Variants in RAD51AP2 observed in about 807,000 individuals in gnomAD.
RAD51AP2 encodes the protein RAD51 associated protein 2, also known as RAD51-associated protein 2.
In RAD51AP2, 67 loss-of-function variants were observed where a neutral mutation model predicts 85.5. The observed-to-expected ratio is 0.78, with a 90% CI of 0.64 to 0.96. The LOEUF is 0.96. Among genes scored for constraint, RAD51AP2 ranks in the 40% least tolerant of loss-of-function variants. The probability of loss-of-function intolerance (pLI) is 0.00; values close to 1 mark genes in which losing one functional copy is unlikely to be tolerated. For synonymous variants in RAD51AP2, 474 were observed against 446.5 expected (o/e 1.06, Z -0.78); for missense variants, 1,307 against 1,332.4 (o/e 0.98, Z 0.30).
chr2:17,520,026 G>C (rs1662822616), upstream of RAD51AP2, among the ~76,000 whole-genome samples: 1 of 152,082 alleles, frequency 6.6e-6, no homozygotes, highest in East Asian at 1.9e-4. Context: ...GTTTGCCCAA[G>C]AGCACATTAT....
At chr2:17,536,467 G>C in the RAD51AP2 span, among the ~76,000 whole-genome samples, 3 of 152,200 alleles carry the variant, frequency 2.0e-5, no homozygotes, top group Non-Finnish European at 2.9e-5. Context: ...GAATCTATAT[G>C]TCAGGCCAAA....
rs774876235 is a variant in RAD51AP2, at chr2:17,515,601, T to C, written c.2815A>G (p.Asn939Asp). 9 of 1,610,088 alleles carry C rather than the reference T, an allele frequency of 5.6e-6. No homozygotes were observed. In the Admixed American group the frequency reaches 1.2e-4, roughly 21 times the overall value. ...HQFETGLSEG[N>D]DECFQDLAAK... The stretch of plus-strand genomic sequence containing the variant: ...GCTAAGTCCTGAAAACATTCATCAT[T>C]CCCTTCACTCAGACCAGTTTCAAAT... The change falls in exon 1 of 3, where the codon AAT becomes GAT. Residue 939 changes from asparagine to aspartate, a missense_variant. Physicochemically the swap from Asn to Asp is conservative, Grantham distance 23. This residue lies in a region of RAD51AP2 where 668 missense variants were observed against 671.0 expected (regional missense o/e 1.00). Transcript: ENST00000399080.
At chr2:17,511,989 T>C (rs746488252) in intron 2 of RAD51AP2, among the ~76,000 whole-genome samples, 7 of 147,490 alleles carry the variant, frequency 4.7e-5, no homozygotes, top group Non-Finnish European at 7.4e-5. Flanking sequence ...AAGACAACAT[T>C]GTTGGATCAC....
At chr2:17,530,361 G>A in the RAD51AP2 span, among the ~76,000 whole-genome samples, 3 of 152,030 alleles carry the variant, frequency 2.0e-5, no homozygotes, top group Non-Finnish European at 4.4e-5. Context: ...GATCCTACAA[G>A]TTATTTTGGC....
Position 17,518,010 on chromosome 2 carries a change from C to T in RAD51AP2, c.406G>A (p.Gly136Ser), listed in dbSNP as rs1381820364. The T allele has an allele frequency of 6.2e-7, 1 of 1,614,168 alleles. No homozygotes were observed. The highest frequency in any genetic ancestry group is 1.3e-5 in the African/African-American group (1 of 75,028). Residue 136 changes from glycine (G) to serine (S), a missense_variant, in exon 1 of 3, where the codon GGC becomes AGC. Coordinates refer to ENST00000399080, the MANE Select transcript of RAD51AP2 (RefSeq NM_001099218.3). ...CTGAAAGCCTCTCTGTCATGCAGGC[C>T]TGCCTCAGACCTTCCTGAAGCCCTC... ...DLRASGRSEA[G>S]LHDREAFSVH...
the RAD51AP2 span, among the ~76,000 whole-genome samples, chr2:17,523,805 G>A: frequency 1.3e-5 from 2 of 151,814 alleles, no homozygotes; most frequent in African/African-American, 4.8e-5. Context: ...CTGTTCACAG[G>A]AAAACAATGG....
At chr2:17,520,808 T>C (rs966066493), upstream of RAD51AP2, among the ~76,000 whole-genome samples, 11 of 151,866 alleles carry the variant, frequency 7.2e-5, no homozygotes, top group African/African-American at 2.7e-4. Context: ...AGAATGTTTA[T>C]TTTCTTGCTC....
rs766588049 is a variant in RAD51AP2 at position 17,516,196 on chromosome 2, T to C, written c.2220A>G (p.Gln740=). Reference sequence around the variant, plus strand: ...TGTATCCTCGGTTGTTCTGTATAAATTGAGGACAAGAATTACCATGTGCTT... The same window carrying C: ...TGTATCCTCGGTTGTTCTGTATAAACTGAGGACAAGAATTACCATGTGCTT... ...TVKAHGNSCP[Q]FIQNNRGYIN... is the part of the protein sequence containing the mutation. Residue 740 remains glutamine, a synonymous_variant, in exon 1 of 3, where the codon CAA becomes CAG. Coordinates refer to ENST00000399080, the MANE Select transcript of RAD51AP2 (RefSeq NM_001099218.3). 1.9e-5 allele frequency: 31 copies of C among 1,613,274 alleles called. No homozygotes were observed. Among genetic ancestry groups the C allele is most frequent in the South Asian group, 1.1e-5 (1 of 91,062 alleles).
chr2:17,517,413 T>G lies in RAD51AP2; in HGVS notation c.1003A>C (p.Ser335Arg). 1 of 1,613,726 alleles carries G rather than the reference T, an allele frequency of 6.2e-7. No homozygotes were observed. Reference sequence around the variant, plus strand: ...TTTCTCTTACAAGTATTTTGGCTACTGAGTGATGGGTAGTCATTTTCATAA... The same window carrying G: ...TTTCTCTTACAAGTATTTTGGCTACGGAGTGATGGGTAGTCATTTTCATAA... ...KCYENDYPSL[S>R]SQNTCKRKDL... The change falls in exon 1 of 3, where the codon AGT (serine) becomes CGT (arginine). Residue 335 changes from serine (S) to arginine (R), a missense_variant. By Grantham distance (110) the Ser-to-Arg change is moderately radical. Coordinates refer to ENST00000399080, the MANE Select transcript of RAD51AP2 (RefSeq NM_001099218.3).
At chr2:17,536,634 G>T in the RAD51AP2 span, among the ~76,000 whole-genome samples, 1 of 152,180 alleles carries the variant, frequency 6.6e-6, no homozygotes, top group Non-Finnish European at 1.5e-5. Flanking sequence ...TTTTATTGTG[G>T]ATTGTTCAAA....
Position 17,510,843 on chromosome 2 carries a change from C to T in RAD51AP2, c.3441G>A (p.Leu1147=), listed in dbSNP as rs769029624. The T allele has an allele frequency of 5.6e-6, 9 of 1,598,074 alleles. No homozygotes were observed. In the South Asian group the frequency reaches 9.1e-5, roughly 16 times the overall value. The part of the protein sequence containing the change: ...KARIKQLHPY[L]KQMCYGNLKE... ...TTAAGTTTCCGTAACACATTTGTTT[C>T]AGATAAGGATGAAGTTGTTTAATCC... The change falls in exon 3 of 3, where the codon CTG becomes CTA. Residue 1147 remains leucine (L), a synonymous_variant. Coordinates refer to ENST00000399080, the MANE Select transcript of RAD51AP2 (RefSeq NM_001099218.3).
rs370702992 is a variant in RAD51AP2 at position 17,517,314 on chromosome 2, C to A, written c.1102G>T (p.Ala368Ser). The A allele has an allele frequency of 3.1e-6, 5 of 1,613,938 alleles. No homozygotes were observed. The highest frequency in any genetic ancestry group is 2.2e-5 in the East Asian group (1 of 44,860). The change falls in exon 1 of 3, where the codon GCT becomes TCT. Residue 368 changes from alanine to serine, a missense_variant. Coordinates refer to ENST00000399080, the MANE Select transcript of RAD51AP2 (RefSeq NM_001099218.3). ...TCCCAATTTGCATTTTCTAGTATAG[C>A]GAAATTCTTTCTAGAGTCTCTTACA... is the stretch of plus-strand genomic sequence containing the variant. ...CNVRDSRKNF[A>S]ILENANWEEA...
intron 2 of RAD51AP2, among the ~76,000 whole-genome samples, chr2:17,513,645 G>A (rs906484245): frequency 6.6e-6 from 1 of 152,108 alleles, no homozygotes; most frequent in Non-Finnish European, 1.5e-5. Context: ...CCACATAAAA[G>A]CTTCATAACA....
the RAD51AP2 span, among the ~76,000 whole-genome samples, chr2:17,531,670 T>A: frequency 6.6e-6 from 1 of 152,242 alleles, no homozygotes; most frequent in Admixed American, 6.5e-5. Flanking sequence ...CCAGCAGTGG[T>A]ACTGTGATCA....
At chr2:17,520,047 T>G (rs1662822901), upstream of RAD51AP2, among the ~76,000 whole-genome samples, 1 of 152,022 alleles carries the variant, frequency 6.6e-6, no homozygotes, top group African/African-American at 2.4e-5. Context: ...TTTTTATATC[T>G]CCATCACATC....
Position 17,510,820 on chromosome 2 carries a change from A to C in RAD51AP2, c.3464T>G (p.Leu1155Ter). Residue 1155 changes from leucine (L) to a stop codon, truncating the protein, a stop_gained, in exon 3 of 3, where the codon TTA becomes TGA. Transcript: ENST00000399080. LOFTEE classifies it high-confidence loss of function. ...PYLKQMCYGN[L>*]KENF ...ATATGAAAGTCAAAAATTTTCTTTT[A>C]AGTTTCCGTAACACATTTGTTTCAG... The C allele has an allele frequency of 6.4e-7, 1 of 1,572,286 alleles. No homozygotes were observed. Among genetic ancestry groups the C allele is most frequent in the Non-Finnish European group, 8.6e-7 (1 of 1,159,238 alleles).
At chr2:17,533,234 T>A in the RAD51AP2 span, among the ~76,000 whole-genome samples, 1 of 152,254 alleles carries the variant, frequency 6.6e-6, no homozygotes, top group African/African-American at 2.4e-5. Context: ...AATTTCTTGA[T>A]GTCTGCTGGA....
At position 17,518,012 on chromosome 2, in the gene RAD51AP2, G is replaced by C; in HGVS notation, c.404C>G (p.Ala135Gly). 1 of 1,614,156 alleles carries C rather than the reference G, an allele frequency of 6.2e-7. No homozygotes were observed. Among genetic ancestry groups the C allele is most frequent in the Non-Finnish European group, 8.5e-7 (1 of 1,180,024 alleles). The change falls in exon 1 of 3, where the codon GCA becomes GGA. Residue 135 changes from alanine (A) to glycine (G), a missense_variant. By Grantham distance (60) the Ala-to-Gly change is moderately conservative. Around this residue, in one of 3 missense-constraint regions of RAD51AP2, gnomAD observed 635 missense variants for 643.6 expected, o/e 0.99. Coordinates refer to ENST00000399080, the MANE Select transcript of RAD51AP2 (RefSeq NM_001099218.3). Reference sequence around the variant, plus strand: ...GAAAGCCTCTCTGTCATGCAGGCCTGCCTCAGACCTTCCTGAAGCCCTCAA... The same window carrying C: ...GAAAGCCTCTCTGTCATGCAGGCCTCCCTCAGACCTTCCTGAAGCCCTCAA... ...SDLRASGRSE[A>G]GLHDREAFSV...
In RAD51AP2 at chr2:17,516,573, A is replaced by C; in HGVS notation, c.1843T>G (p.Leu615Val). Residue 615 changes from leucine (L) to valine (V), a missense_variant, in exon 1 of 3, where the codon TTG becomes GTG. By Grantham distance (32) the Leu-to-Val change is conservative (BLOSUM62 1). Transcript: ENST00000399080. ...TCCACTATATTTTTTGGATACTTCA[A>C]ATAAAGCATGCACTTGAAAATGCAT... ...EECIFKCMLY[L>V]KYPKNIVENH... The C allele has an allele frequency of 6.3e-7, 1 of 1,586,110 alleles. No individual in the cohort carries two copies. Among genetic ancestry groups the C allele is most frequent in the Non-Finnish European group, 8.6e-7 (1 of 1,164,804 alleles).
Sources: gnomAD v4.1 joint callset for allele counts (sites outside exome capture counted in the v4.1 genomes callset) on GRCh38, gnomAD v4.1.1 for gene constraint, gnomAD v4.1.1 regional missense constraint, MANE v1.5 for transcripts, NCBI Gene and HGNC (gene_info 2026-07-23, HGNC 2026-07-21) for gene names.